The following AGBL4 variants were observed in gnomAD, a reference collection of about 807,000 sequenced individuals.
The protein encoded by AGBL4 is cytosolic carboxypeptidase 6.
In AGBL4, 58 loss-of-function variants were observed where a neutral mutation model predicts 66.4. The observed-to-expected ratio is 0.87, with a 90% CI of 0.71 to 1.09. AGBL4 has a LOEUF of 1.09. Among genes scored for constraint, AGBL4 ranks in the 50% least tolerant of loss-of-function variants. AGBL4 has a pLI of 0.00. For missense variants in AGBL4, 579 were observed against 631.0 expected, an observed-to-expected ratio of 0.92 and a Z score of 0.88; for synonymous variants, 234 against 222.9, an observed-to-expected ratio of 1.05 and a Z score of -0.44.
chr1:48,807,974 G>T (rs1306371612), intron 6 of AGBL4, among the ~76,000 whole-genome samples: 1 of 152,104 alleles, frequency 6.6e-6, no homozygotes, highest in Non-Finnish European at 1.5e-5. Flanking sequence ...GGTATCTGAG[G>T]CAATGACACA....
At chr1:49,171,488 C>T (rs941686693) in intron 4 of AGBL4, among the ~76,000 whole-genome samples, 3 of 149,642 alleles carry the variant, frequency 2.0e-5, no homozygotes, top group Admixed American at 6.7e-5. Flanking sequence ...TTTAAAAAGA[C>T]TTTTTTTTTT....
intron 4 of AGBL4, among the ~76,000 whole-genome samples, chr1:49,206,136 G>T (rs1156795951): frequency 6.6e-6 from 1 of 152,144 alleles, no homozygotes; most frequent in Non-Finnish European, 1.5e-5. Context: ...GTTGAGAGAA[G>T]TGGGCAAAGA....
chr1:49,302,987 C>G (rs557511872), intron 3 of AGBL4, among the ~76,000 whole-genome samples: 1 of 152,186 alleles, frequency 6.6e-6, no homozygotes, highest in South Asian at 2.1e-4. Flanking sequence ...CTTCAAAGGA[C>G]ATGATCTCAT....
At chr1:48,547,417 G>T (rs1644181870) in intron 11 of AGBL4, among the ~76,000 whole-genome samples, 1 of 151,900 alleles carries the variant, frequency 6.6e-6, no homozygotes, top group South Asian at 2.1e-4. Context: ...AGGAGGGGAA[G>T]GAGTGAAGGA....
intron 1 of AGBL4, among the ~76,000 whole-genome samples, chr1:49,939,676 T>C (rs6679333): frequency 0.52 from 78,720 of 152,002 alleles, 21,695 homozygotes; most frequent in Non-Finnish European, 0.62. Context: ...TTGGATCCCT[T>C]CCTTACACCT....
chr1:49,200,005 G>A (rs754791178), intron 4 of AGBL4, among the ~76,000 whole-genome samples: 2 of 152,092 alleles, frequency 1.3e-5, no homozygotes, highest in Non-Finnish European at 2.9e-5. Flanking sequence ...CTGGTGAAAC[G>A]CTAAAAAAGC....
At chr1:48,564,155 C>A (rs1000015814) in intron 11 of AGBL4, among the ~76,000 whole-genome samples, 5 of 152,056 alleles carry the variant, frequency 3.3e-5, no homozygotes, top group African/African-American at 1.2e-4. Context: ...CTGTTCAGGC[C>A]TCATGGTCAC....
At chr1:49,691,821 T>C (rs1646893243) in intron 3 of AGBL4, among the ~76,000 whole-genome samples, 1 of 152,066 alleles carries the variant, frequency 6.6e-6, no homozygotes, top group African/African-American at 2.4e-5. Flanking sequence ...ACTGGACTAG[T>C]CTCCCAGCTT....
chr1:49,994,960 G>A (rs1660253287), intron 1 of AGBL4: 11 of 362,370 alleles, frequency 3.0e-5, no homozygotes, highest in South Asian at 2.1e-4. Context: ...TAGGAATAGA[G>A]GAAGCAGAGG....
chr1:48,625,851 G>A (rs181122533), intron 9 of AGBL4, among the ~76,000 whole-genome samples: 26 of 152,212 alleles, frequency 1.7e-4, no homozygotes, highest in Admixed American at 7.2e-4. Flanking sequence ...CTTTCTGCTG[G>A]AGTCAAAGTG....
chr1:48,546,920 A>G (rs1316569126), intron 11 of AGBL4, among the ~76,000 whole-genome samples: 1 of 150,472 alleles, frequency 6.6e-6, no homozygotes, highest in Non-Finnish European at 1.5e-5. Context: ...CAATTGATAT[A>G]TACTATGAAG....
At chr1:48,807,015 G>A (rs1031381366) in intron 6 of AGBL4, among the ~76,000 whole-genome samples, 2 of 152,138 alleles carry the variant, frequency 1.3e-5, no homozygotes, top group Non-Finnish European at 2.9e-5. Flanking sequence ...ACAATGCTTT[G>A]GTTGTGTTAG....
rs369062017 is a variant in AGBL4 at position 48,807,588 on chromosome 1, T to A, written c.634+59603A>T. Among the ~76,000 whole-genome samples, 17 of 152,314 alleles carry A rather than the reference T, an allele frequency of 1.1e-4. No homozygotes were observed. The East Asian group carries it at 1.2e-3, about 10-fold the overall frequency. On this transcript the variant is annotated intron_variant, in intron 6 of 13. Coordinates refer to ENST00000371839, the MANE Select transcript of AGBL4 (RefSeq NM_032785.4). ...CCCCAGTCTGCTTTGGGCCAACTAT[T>A]CTCAGCGTGTGATCTGCTCTTCTCC...
At chr1:49,432,792 T>C (rs1367598946) in intron 3 of AGBL4, among the ~76,000 whole-genome samples, 3 of 152,180 alleles carry the variant, frequency 2.0e-5, no homozygotes, top group African/African-American at 7.2e-5. Flanking sequence ...TCAAAAGTTG[T>C]AAGTGTCTTT....
Position 48,573,262 on chromosome 1 carries a change from G to A in AGBL4, c.1267+13742C>T, listed in dbSNP as rs551391070. ...GCTTACTATGCCATTTGATCTGCCC[G>A]GATATTTACAAGGTAGGTGCAGTAG... is the stretch of plus-strand genomic sequence containing the variant. On this transcript the variant is annotated intron_variant, in intron 11 of 13. Transcript: ENST00000371839. Among the ~76,000 whole-genome samples the A allele has an allele frequency of 9.9e-5, 15 of 152,196 alleles. No homozygotes were observed. In the South Asian group the frequency reaches 2.1e-3, roughly 21 times the overall value.
chr1:48,946,305 C>T (rs1173380524), intron 5 of AGBL4, among the ~76,000 whole-genome samples: 1 of 152,156 alleles, frequency 6.6e-6, no homozygotes, highest in Non-Finnish European at 1.5e-5. Context: ...ATGAACCATT[C>T]AGTAAACATT....
At chr1:49,157,707 A>G (rs943274853) in intron 4 of AGBL4, among the ~76,000 whole-genome samples, 1 of 152,186 alleles carries the variant, frequency 6.6e-6, no homozygotes, top group Admixed American at 6.5e-5. Flanking sequence ...ACAGTGTAAA[A>G]GCATTCCTAT....
rs1254141584 is a variant in AGBL4 at position 49,844,577 on chromosome 1, G to A, written c.157+6819C>T. 28 of 1,018,122 alleles carry A rather than the reference G, an allele frequency of 2.8e-5. 1 individual carries two copies. In the Admixed American group the frequency reaches 7.4e-4, roughly 27 times the overall value. 63.1% of individuals were successfully genotyped at this position (1,018,122 alleles called of 1,614,324 possible). Reference sequence around the variant, plus strand: ...TATTTTTAAATAGTCAAAGCCACTTGCACCTTGAACATTTCAAAATCATTA... The same window carrying A: ...TATTTTTAAATAGTCAAAGCCACTTACACCTTGAACATTTCAAAATCATTA... On this transcript the variant is annotated intron_variant, in intron 2 of 13. Transcript: ENST00000371839.
At chr1:49,854,294 A>G (rs1303583485) in intron 1 of AGBL4, among the ~76,000 whole-genome samples, 1 of 151,962 alleles carries the variant, frequency 6.6e-6, no homozygotes, top group Non-Finnish European at 1.5e-5. Context: ...GGGAAGTGAC[A>G]GGGACCATCT....
Sources: gnomAD v4.1 joint callset for allele counts (sites outside exome capture counted in the v4.1 genomes callset) on GRCh38, gnomAD v4.1.1 for gene constraint, MANE v1.5 for transcripts, NCBI Gene and HGNC (gene_info 2026-07-23, HGNC 2026-07-21) for gene names.